IPO4: variants seen among roughly 807,000 people sequenced by gnomAD.
The protein encoded by IPO4 is importin 4.
IPO4 carries 91 observed loss-of-function variants against 133.5 expected under a neutral mutation model. The observed-to-expected ratio is 0.68, with a 90% CI of 0.58 to 0.81. The LOEUF (loss-of-function observed/expected upper bound fraction) is 0.81, where lower values mean the gene tolerates loss of function less well. IPO4 is among the 30% of genes least tolerant of loss of function. The pLI is 0.00. For missense variants in IPO4, 1,279 were observed against 1,386.2 expected (o/e 0.92, Z 1.23); for synonymous variants, 607 against 581.6 (o/e 1.04, Z -0.63).
In IPO4 at chr14:24,181,766, C is replaced by T. The variant is rs1260401975; in HGVS notation, c.2885G>A (p.Cys962Tyr). The change falls in exon 27 of 30, where the codon TGT becomes TAT. Residue 962 changes from cysteine to tyrosine, a missense_variant. This residue lies in a region of IPO4 where 575 missense variants were observed against 653.4 expected (regional missense o/e 0.88). Coordinates refer to ENST00000354464, the MANE Select transcript of IPO4 (RefSeq NM_024658.4). The stretch of plus-strand genomic sequence containing the variant: ...CATCAACAGGCGGGCAAGTGCCCCA[C>T]AGATGTTGTCACGGACACGATCATG... ...ERHDRVRDNI[C>Y]GALARLLMAS... 1 of 1,603,050 alleles carries T rather than the reference C, an allele frequency of 6.2e-7. No homozygotes were observed. Among genetic ancestry groups the T allele is most frequent in the Non-Finnish European group, 8.5e-7 (1 of 1,173,166 alleles).
Position 24,182,009 on chromosome 14 carries a change from T to C in IPO4, c.2753A>G (p.Asn918Ser). ...CAGCACGCCCATCCCGAAGATGGCATTGCTTCGCACCTCGGGGTCTGCCTC... is the reference window on the plus strand; with the variant it reads ...CAGCACGCCCATCCCGAAGATGGCACTGCTTCGCACCTCGGGGTCTGCCTC... ...AQEADPEVRS[N>S]AIFGMGVLAE... Residue 918 changes from asparagine to serine, a missense_variant, in exon 26 of 30, where the codon AAT becomes AGT. Transcript: ENST00000354464. The C allele has an allele frequency of 1.9e-6, 3 of 1,613,178 alleles. No homozygotes were observed. Among genetic ancestry groups the C allele is most frequent in the Non-Finnish European group, 2.5e-6 (3 of 1,180,020 alleles).
Position 24,185,506 on chromosome 14 carries a change from G to A in IPO4, c.1231C>T (p.Arg411Cys), listed in dbSNP as rs374190960. Reference protein sequence around the residue: ...KGLEDPSQVVRNAALFALGQF... With the variant: ...KGLEDPSQVVCNAALFALGQF... The stretch of plus-strand genomic sequence containing the variant: ...CCCAGGGCAAACAGCGCAGCATTGC[G>A]TACAACTTGCGAGGGGTCCTCCAGG... Residue 411 changes from arginine to cysteine, a missense_variant, in exon 13 of 30, where the codon CGC becomes TGC. Physicochemically the swap from Arg to Cys is radical, Grantham distance 180 (BLOSUM62 -3). Transcript: ENST00000354464. 1.2e-5 allele frequency: 19 copies of A among 1,614,068 alleles called. No homozygotes were observed. Among genetic ancestry groups the A allele is most frequent in the Middle Eastern group, 1.6e-4 (1 of 6,084 alleles).
Position 24,186,318 on chromosome 14 carries a change from A to T in IPO4, c.974T>A (p.Met325Lys). 1 of 1,610,916 alleles carries T rather than the reference A, an allele frequency of 6.2e-7. No homozygotes were observed. Among genetic ancestry groups the T allele is most frequent in the Admixed American group, 1.7e-5 (1 of 59,794 alleles). Residue 325 changes from methionine to lysine, a missense_variant, in exon 10 of 30, where the codon ATG becomes AAG. Around this residue, in one of 3 missense-constraint regions of IPO4, gnomAD observed 695 missense variants for 704.1 expected, o/e 0.99. Transcript: ENST00000354464. ...AGCGAAATGCTTGGGAGTCTCCCCC[A>T]TCAGCTCAATCTCCAACTCTTCCTC... ...SEEEELEIEL[M>K]GETPKHFAVQ... is the part of the protein sequence containing the mutation.
chr14:24,184,525 C>T (rs2039189720), intron 16 of IPO4, 107 bp from the exon 17 acceptor site: 4 of 1,458,436 alleles, frequency 2.7e-6, no homozygotes, highest in Non-Finnish European at 3.7e-6. Flanking sequence ...CTTGGTACAG[C>T]ATGAAGCACA....
chr14:24,188,487 C>T, intron 2 of IPO4, 64 bp from the exon 3 acceptor site: 1 of 1,606,932 alleles, frequency 6.2e-7, no homozygotes, highest in Admixed American at 1.7e-5. Context: ...CCGCAGTGGG[C>T]GAATACTGGG....
At chr14:24,182,548 G>GGAAAC in intron 24 of IPO4, 145 bp from the exon 25 acceptor site, 1 of 1,194,256 alleles carries the variant, frequency 8.4e-7, no homozygotes, top group Non-Finnish European at 1.2e-6. Context: ...GTGTTTCCAT[G>GGAAAC]ACCCAGCTTC....
chr14:24,188,632 C>T lies in IPO4; in HGVS notation c.76G>A (p.Glu26Lys), dbSNP rs1254786923. Reference protein sequence around the residue: ...PDTERIRRATEQLQIVLRAPA... With the variant: ...PDTERIRRATKQLQIVLRAPA... ...GCCCGAAGAACGATCTGGAGCTGTT[C>T]CGTGGCCTGGGGGGAAGCTAGGGGT... Residue 26 changes from glutamate (E) to lysine (K), a missense_variant, in exon 2 of 30, where the codon GAA becomes AAA. Physicochemically the swap from Glu to Lys is moderately conservative, Grantham distance 56. Around this residue, in one of 3 missense-constraint regions of IPO4, gnomAD observed 695 missense variants for 704.1 expected, o/e 0.99. Coordinates refer to ENST00000354464, the MANE Select transcript of IPO4 (RefSeq NM_024658.4). 6.2e-7 allele frequency: 1 copy of T among 1,611,050 alleles called. No homozygotes were observed. Among genetic ancestry groups the T allele is most frequent in the African/African-American group, 1.3e-5 (1 of 74,990 alleles).
rs1184798797 is a variant in IPO4, at chr14:24,181,705, C to T, written c.2940+6G>A. ...CCAAGCCCTGCCTGATGTCTCCCTC[C>T]CTCACCTGGGGCTCTGGTTTCCTGG... On this transcript the variant is annotated splice_donor_region_variant and intron_variant, in intron 27 of 29. Transcript: ENST00000354464. 2 of 1,605,792 alleles carry T rather than the reference C, an allele frequency of 1.2e-6. No individual in the cohort carries two copies. Among genetic ancestry groups the T allele is most frequent in the Non-Finnish European group, 1.7e-6 (2 of 1,174,774 alleles).
In IPO4 at chr14:24,183,616, G is replaced by A. The variant is rs1362384604; in HGVS notation, c.2037C>T (p.Ala679=). 9.3e-6 allele frequency: 15 copies of A among 1,613,972 alleles called. No individual in the cohort carries two copies. The highest frequency in any genetic ancestry group is 1.7e-5 in the Admixed American group (1 of 59,998). Reference sequence around the variant, plus strand: ...TGGTGTTCACAGAGATCTCCCCCACGGCAGCACAGGTGTCTTCCTTCTCAT... The same window carrying A: ...TGGTGTTCACAGAGATCTCCCCCACAGCAGCACAGGTGTCTTCCTTCTCAT... ...FFDEKEDTCA[A]VGEISVNTSV... Residue 679 remains alanine (A), a synonymous_variant, in exon 20 of 30, where the codon GCC becomes GCT. Coordinates refer to ENST00000354464, the MANE Select transcript of IPO4 (RefSeq NM_024658.4).
At position 24,181,837 on chromosome 14, in the gene IPO4, G is replaced by A. The variant is rs776201496; in HGVS notation, c.2814C>T (p.Phe938=). Residue 938 remains phenylalanine, a synonymous_variant, in exon 27 of 30, where the codon TTC becomes TTT. Transcript: ENST00000354464. Reference sequence around the variant, plus strand: ...GAAAAAGGAGCCCCAGCAGCTTGGGGAAGTGTCTGGTCCACAGTCAAGGAA... The same window carrying A: ...GAAAAAGGAGCCCCAGCAGCTTGGGAAAGTGTCTGGTCCACAGTCAAGGAA... The part of the protein sequence containing the change: ...EHGGHPAQEH[F]PKLLGLLFPL... 6.3e-7 allele frequency: 1 copy of A among 1,596,692 alleles called. No individual in the cohort carries two copies. The highest frequency in any genetic ancestry group is 8.6e-7 in the Non-Finnish European group (1 of 1,169,582).
chr14:24,188,493 C>G, intron 2 of IPO4, 59 bp downstream of exon 2: 1 of 1,608,100 alleles, frequency 6.2e-7, no homozygotes, highest in Non-Finnish European at 8.5e-7. Context: ...TGGGCGAATA[C>G]TGGGGCTTGA....
chr14:24,188,328 C>G lies in IPO4; in HGVS notation c.236+16G>C, dbSNP rs1259292757. 9 of 1,613,422 alleles carry G rather than the reference C, an allele frequency of 5.6e-6. No homozygotes were observed. Among genetic ancestry groups the G allele is most frequent in the Non-Finnish European group, 7.6e-6 (9 of 1,179,796 alleles). ...AAGTCTCCGCCTGGCCCCGCCCCAC[C>G]CCAGGCCCAGCCCACCTCTCCCGTT... On this transcript the variant is annotated intron_variant, in intron 3 of 29. Transcript: ENST00000354464.
intron 1 of IPO4, 38 bp downstream of exon 1, chr14:24,188,681 C>G (rs2039265373): frequency 6.9e-6 from 11 of 1,600,478 alleles, no homozygotes; most frequent in African/African-American, 1.3e-5. Flanking sequence ...TTCCCGCAAC[C>G]TCCCGCTCGC....
In IPO4 at chr14:24,180,433, G is replaced by A; in HGVS notation, c.*9C>T. 1 of 1,603,310 alleles carries A rather than the reference G, an allele frequency of 6.2e-7. No individual in the cohort carries two copies. Among genetic ancestry groups the A allele is most frequent in the Non-Finnish European group, 8.5e-7 (1 of 1,171,986 alleles). ...CTCTATTCTCTCTGGACTGGCTGCA[G>A]CCTGCAGTCTAGGAGAGGCCCAGTA... On this transcript the variant is annotated 3_prime_UTR_variant, in exon 30 of 30. Transcript: ENST00000354464.
At chr14:24,183,972 G>GGGCCCGCC in intron 18 of IPO4, 26 bp downstream of exon 18, 1 of 1,573,308 alleles carries the variant, frequency 6.4e-7, no homozygotes, top group Non-Finnish European at 8.6e-7. Flanking sequence ...GGCAGGCCTG[G>GGGCCCGCC]CCCAGCCCAC....
In IPO4 at chr14:24,183,038, G is replaced by T. The variant is rs753014190; in HGVS notation, c.2359C>A (p.Leu787Met). The change falls in exon 23 of 30, where the codon CTG becomes ATG. Residue 787 changes from leucine to methionine, a missense_variant. Leu to Met is a conservative substitution (Grantham distance 15). Coordinates refer to ENST00000354464, the MANE Select transcript of IPO4 (RefSeq NM_024658.4). The part of the protein sequence containing the change: ...GVLRSCGTLT[L>M]KPPGRLAELC... Reference sequence around the variant, plus strand: ...TCAGCGAGGCGCCCAGGGGGCTTCAGTGTGAGGGTCCCACAGCTGCGGAGC... The same window carrying T: ...TCAGCGAGGCGCCCAGGGGGCTTCATTGTGAGGGTCCCACAGCTGCGGAGC... The T allele has an allele frequency of 2.5e-6, 4 of 1,613,710 alleles. No homozygotes were observed. The Admixed American group carries it at 6.7e-5, about 27-fold the overall frequency.
At position 24,187,444 on chromosome 14, in the gene IPO4, G is replaced by A. The variant is rs747440936; in HGVS notation, c.544C>T (p.Arg182Cys). The A allele has an allele frequency of 1.2e-5, 19 of 1,614,026 alleles. No homozygotes were observed. The highest frequency in any genetic ancestry group is 2.2e-5 in the East Asian group (1 of 44,894). ...TAGGGAGCCATGGTGGTCAGAGTGC[G>A]CAGGGAGTAGAAGAGCAGCCCAGGA... is the stretch of plus-strand genomic sequence containing the variant. ...GSPGLLFYSLRTLTTMAPYLS... is the reference protein window; with the variant it reads ...GSPGLLFYSLCTLTTMAPYLS... Residue 182 changes from arginine (R) to cysteine (C), a missense_variant, in exon 6 of 30, where the codon CGC (arginine) becomes TGC (cysteine). By Grantham distance (180) the Arg-to-Cys change is radical. Coordinates refer to ENST00000354464, the MANE Select transcript of IPO4 (RefSeq NM_024658.4).
rs1182194973 is a variant in IPO4, at chr14:24,181,678, T to G, written c.2940+33A>C. 1.9e-6 allele frequency: 3 copies of G among 1,611,092 alleles called. No homozygotes were observed. The African/African-American group carries it at 4.0e-5, about 22-fold the overall frequency. Reference sequence around the variant, plus strand: ...CCCTCCACCACCCTCCCTCCTCAGCTTCCAAGCCCTGCCTGATGTCTCCCT... The same window carrying G: ...CCCTCCACCACCCTCCCTCCTCAGCGTCCAAGCCCTGCCTGATGTCTCCCT... On this transcript the variant is annotated intron_variant, in intron 27 of 29. Coordinates refer to ENST00000354464, the MANE Select transcript of IPO4 (RefSeq NM_024658.4).
intron 16 of IPO4, 61 bp from the exon 17 acceptor site, chr14:24,184,479 G>C (rs2039189045): frequency 2.1e-5 from 33 of 1,562,720 alleles, no homozygotes; most frequent in Non-Finnish European, 2.7e-5. Flanking sequence ...GACCAAAGGT[G>C]GTGGCTGGGA....
Sources: allele counts gnomAD v4.1 joint callset, GRCh38; gene constraint gnomAD v4.1.1; regional missense constraint gnomAD v4.1.1; transcripts MANE v1.5; gene names NCBI Gene and HGNC (gene_info 2026-07-23, HGNC 2026-07-21).